Variants in LMO7 observed in about 807,000 individuals in gnomAD.
LMO7 encodes the protein LIM domain 7.
Under a neutral mutation model 206.5 loss-of-function variants are expected in LMO7, and 120 were observed. The observed-to-expected ratio is 0.58, with a 90% CI of 0.50 to 0.68. LMO7 has a LOEUF of 0.68. Among genes scored for constraint, LMO7 ranks in the 30% least tolerant of loss-of-function variants. The pLI, the probability that LMO7 is intolerant of heterozygous loss-of-function variation, is 0.00. For missense variants in LMO7, 1,959 were observed against 1,957.9 expected (o/e 1.00, Z -0.01); for synonymous variants, 706 against 681.5 (o/e 1.04, Z -0.56).
upstream of LMO7, chr13:75,632,141 T>A (rs1334715345): frequency 6.6e-6 from 1 of 152,234 alleles, no homozygotes; most frequent in Non-Finnish European, 1.5e-5. Context: ...TGTTTTATTG[T>A]TGTGAATTTC....
At chr13:75,767,586 C>G (rs592466) in intron 4 of LMO7, among the ~76,000 whole-genome samples, 1,857 of 151,898 alleles carry the variant, frequency 0.012, 48 homozygotes, top group African/African-American at 0.042. Flanking sequence ...AAAAAAAAGT[C>G]ACATTAACTT....
At chr13:75,674,990 T>G (rs2039886084) in intron 1 of LMO7, among the ~76,000 whole-genome samples, 1 of 152,238 alleles carries the variant, frequency 6.6e-6, no homozygotes, top group African/African-American at 2.4e-5. Flanking sequence ...CGGAGTCAGT[T>G]TCAGTTTCCT....
At chr13:75,669,279 T>C (rs2039336794) in intron 1 of LMO7, among the ~76,000 whole-genome samples, 1 of 152,070 alleles carries the variant, frequency 6.6e-6, no homozygotes, top group African/African-American at 2.4e-5. Context: ...TGGGGAGAAG[T>C]CTCATAGCAT....
chr13:75,788,349 G>T (rs2140505857), intron 4 of LMO7, among the ~76,000 whole-genome samples: 1 of 151,458 alleles, frequency 6.6e-6, no homozygotes, highest in African/African-American at 2.4e-5. Flanking sequence ...AGCTACTTGG[G>T]AGGCTGAGGC....
intron 1 of LMO7, among the ~76,000 whole-genome samples, chr13:75,682,635 A>G (rs1254952797): frequency 6.6e-6 from 1 of 152,132 alleles, no homozygotes. Flanking sequence ...TTATTTATTT[A>G]TTTATGTTTA....
At chr13:75,711,615 A>ACC (rs912909241) in intron 1 of LMO7, among the ~76,000 whole-genome samples, 1 of 151,044 alleles carries the variant, frequency 6.6e-6, no homozygotes, top group Non-Finnish European at 1.5e-5. Flanking sequence ...GGTGCGCTGC[A>ACC]CCCCCCCTGT....
rs1410180470 is a variant in LMO7, at chr13:75,841,742, C to A, written c.3790C>A (p.Arg1264=). Reference sequence around the variant, plus strand: ...CAAGTCTTCAGACAGAGAAGGAACCCGAGCAGGAGAAGAGGAGAGGAGACA... The same window carrying A: ...CAAGTCTTCAGACAGAGAAGGAACCAGAGCAGGAGAAGAGGAGAGGAGACA... ...GSKSSDREGT[R]AGEEERRQPQ... Residue 1264 remains arginine (R), a synonymous_variant, in exon 24 of 31, where the codon CGA becomes AGA. Transcript: ENST00000377534. 1.9e-6 allele frequency: 3 copies of A among 1,613,884 alleles called. No individual in the cohort carries two copies. The highest frequency in any genetic ancestry group is 1.7e-6 in the Non-Finnish European group (2 of 1,179,936).
chr13:75,699,835 G>A (rs540890812), intron 1 of LMO7, among the ~76,000 whole-genome samples: 3 of 152,256 alleles, frequency 2.0e-5, no homozygotes, highest in South Asian at 2.1e-4. Flanking sequence ...ACTAGAATTC[G>A]CCAGGCTGGA....
chr13:75,826,580 G>A (rs542133260), intron 15 of LMO7, among the ~76,000 whole-genome samples: 5 of 152,246 alleles, frequency 3.3e-5, no homozygotes, highest in Admixed American at 6.5e-5. Context: ...CCTTTGTAGC[G>A]CAGTCACAGC....
intron 3 of LMO7, among the ~76,000 whole-genome samples, chr13:75,739,591 C>T (rs574746772): frequency 1.3e-5 from 2 of 152,268 alleles, no homozygotes; most frequent in African/African-American, 4.8e-5. Context: ...GGCTAATGTT[C>T]TTGTACCTGT....
intron 4 of LMO7, chr13:75,788,952 C>T (rs1467257942): frequency 6.6e-6 from 1 of 151,926 alleles, no homozygotes; most frequent in Non-Finnish European, 1.5e-5. Context: ...TTCTGGGCAA[C>T]AAAGCAAGGC....
chr13:75,729,464 T>C (rs1419681644), intron 3 of LMO7, among the ~76,000 whole-genome samples: 11 of 151,220 alleles, frequency 7.3e-5, no homozygotes, highest in Non-Finnish European at 3.0e-5. Context: ...TTGTGATTTT[T>C]GCACATTGAT....
intron 3 of LMO7, among the ~76,000 whole-genome samples, chr13:75,733,596 C>T (rs953127422): frequency 2.0e-4 from 31 of 152,288 alleles, no homozygotes; most frequent in African/African-American, 7.0e-4. Context: ...GGCAATGCCT[C>T]GCCCTGCTTT....
intron 3 of LMO7, among the ~76,000 whole-genome samples, chr13:75,737,827 T>A: frequency 1.1e-5 from 1 of 93,502 alleles, no homozygotes; most frequent in Non-Finnish European, 2.1e-5. Flanking sequence ...TAAATATAGA[T>A]TCACAGGAAG....
chr13:75,755,631 A>C (rs2047629284), intron 3 of LMO7, among the ~76,000 whole-genome samples: 1 of 152,214 alleles, frequency 6.6e-6, no homozygotes, highest in African/African-American at 2.4e-5. Context: ...CTGCAAACCT[A>C]ACTTACTACT....
intron 4 of LMO7, among the ~76,000 whole-genome samples, chr13:75,790,961 T>C (rs893002762): frequency 6.6e-5 from 10 of 151,060 alleles, no homozygotes; most frequent in Admixed American, 6.6e-5. Context: ...TTTTTGCAAC[T>C]ATTAATATTT....
At chr13:75,681,598 C>G (rs1230360992) in intron 1 of LMO7, among the ~76,000 whole-genome samples, 2 of 151,410 alleles carry the variant, frequency 1.3e-5, no homozygotes. Flanking sequence ...CAACTCTTCT[C>G]ACTCTGTCGT....
At chr13:75,709,336 T>G (rs1355094737) in intron 1 of LMO7, among the ~76,000 whole-genome samples, 2 of 152,226 alleles carry the variant, frequency 1.3e-5, no homozygotes, top group Non-Finnish European at 2.9e-5. Flanking sequence ...CTGGGTCAAA[T>G]GGTATTTCTA....
intron 23 of LMO7, 42 bp downstream of exon 23, chr13:75,841,243 C>A (rs3736858): frequency 7.7e-7 from 1 of 1,303,102 alleles, no homozygotes; most frequent in African/African-American, 1.5e-5. Context: ...TTCTCTTTAC[C>A]TTGTTGGTGA....
Sources: gnomAD v4.1 joint callset for allele counts (sites outside exome capture counted in the v4.1 genomes callset) on GRCh38, gnomAD v4.1.1 for gene constraint, MANE v1.5 for transcripts, NCBI Gene and HGNC (gene_info 2026-07-23, HGNC 2026-07-21) for gene names.